The following FAM117B variants were observed in gnomAD, a reference collection of about 807,000 sequenced individuals.
FAM117B encodes the protein family with sequence similarity 117 member B.
In FAM117B, 22 loss-of-function variants were observed where a neutral mutation model predicts 52.8. The observed-to-expected ratio is 0.42, with a 90% CI of 0.30 to 0.59. The LOEUF is 0.59. FAM117B is among the 20% of genes least tolerant of loss of function. FAM117B has a pLI of 0.22. For missense variants in FAM117B, 678 were observed against 802.6 expected (o/e 0.84, Z 1.88); for synonymous variants, 309 against 324.1 (o/e 0.95, Z 0.50).
At chr2:202,650,298 C>T (rs1007218814) in intron 1 of FAM117B, among the ~76,000 whole-genome samples, 1 of 152,072 alleles carries the variant, frequency 6.6e-6, no homozygotes, top group Non-Finnish European at 1.5e-5. Flanking sequence ...TTGGAACCTA[C>T]TTGGGTGGTC....
chr2:202,697,549 C>CTTTTTTTTTTTTTTTTTCTTTT (rs555378964), intron 2 of FAM117B, among the ~76,000 whole-genome samples: 1 of 137,512 alleles, frequency 7.3e-6, no homozygotes, highest in African/African-American at 2.7e-5. Context: ...TTTTTTCTTT[C>CTTTTTTTTTTTTTTTTTCTTTT]TTTTTTTTTT....
At chr2:202,638,452 C>G (rs971278549) in intron 1 of FAM117B, among the ~76,000 whole-genome samples, 1 of 152,114 alleles carries the variant, frequency 6.6e-6, no homozygotes, top group African/African-American at 2.4e-5. Context: ...TAGGAGGGCT[C>G]TATTTCCTGG....
intron 7 of FAM117B, 115 bp from the exon 8 acceptor site, chr2:202,765,331 G>A: frequency 2.0e-6 from 2 of 1,013,672 alleles, no homozygotes; most frequent in Non-Finnish European, 2.9e-6. Context: ...TTCCTTTTCT[G>A]TGATGTAAGT....
intron 2 of FAM117B, among the ~76,000 whole-genome samples, chr2:202,720,818 A>G (rs181588026): frequency 6.6e-6 from 1 of 152,286 alleles, no homozygotes; most frequent in African/African-American, 2.4e-5. Flanking sequence ...GTAATTAGCA[A>G]GTAATTTGCG....
chr2:202,731,775 G>T (rs1347715739), intron 4 of FAM117B, among the ~76,000 whole-genome samples: 1 of 150,650 alleles, frequency 6.6e-6, no homozygotes, highest in Non-Finnish European at 1.5e-5. Context: ...CACTCTTTAT[G>T]CCCAGGCTAG....
intron 2 of FAM117B, among the ~76,000 whole-genome samples, chr2:202,715,492 G>C (rs1282201981): frequency 6.6e-6 from 1 of 151,562 alleles, no homozygotes; most frequent in Non-Finnish European, 1.5e-5. Context: ...CAGGGTGGCG[G>C]GGCAGAGGCG....
chr2:202,648,895 G>A (rs1275292801), intron 1 of FAM117B, among the ~76,000 whole-genome samples: 1 of 152,004 alleles, frequency 6.6e-6, no homozygotes, highest in East Asian at 1.9e-4. Context: ...CTGAGTAGCT[G>A]GGACTACAGG....
In FAM117B at chr2:202,635,672, C is replaced by G. The variant is rs1290743931; in HGVS notation, c.485C>G (p.Thr162Ser). ...SPSSSPTHLW[T>S]GEVSAAPPPA... ...AGCTCGTCGCCCACCCACCTGTGGACCGGCGAGGTGAGCGCGGCCCCACCC... is the reference window on the plus strand; with the variant it reads ...AGCTCGTCGCCCACCCACCTGTGGAGCGGCGAGGTGAGCGCGGCCCCACCC... The change falls in exon 1 of 8, where the codon ACC (threonine) becomes AGC (serine). Residue 162 changes from threonine to serine, a missense_variant. Transcript: ENST00000392238. 2.2e-6 allele frequency: 3 copies of G among 1,393,848 alleles called. No homozygotes were observed. The highest frequency in any genetic ancestry group is 2.8e-6 in the Non-Finnish European group (3 of 1,074,794). The allele number at this position is 1,393,848 out of a possible 1,614,324, so 86.3% of individuals were successfully genotyped here.
At chr2:202,648,880 G>T (rs888530595) in intron 1 of FAM117B, among the ~76,000 whole-genome samples, 1 of 151,912 alleles carries the variant, frequency 6.6e-6, no homozygotes, top group East Asian at 1.9e-4. Flanking sequence ...TCCTGCCTCA[G>T]CCTCCTGAGT....
At chr2:202,650,311 G>T (rs1047824910) in intron 1 of FAM117B, among the ~76,000 whole-genome samples, 16 of 152,004 alleles carry the variant, frequency 1.1e-4, no homozygotes, top group African/African-American at 3.6e-4. Context: ...GGGTGGTCGG[G>T]TTAATAATGT....
At chr2:202,725,053 CT>C in intron 3 of FAM117B, 44 bp downstream of exon 3, 2 of 1,444,588 alleles carry the variant, frequency 1.4e-6, no homozygotes, top group Non-Finnish European at 1.9e-6. Context: ...AAATATGATC[CT>C]TTTGTTGGCT....
At chr2:202,696,136 G>C in intron 2 of FAM117B, 104 bp downstream of exon 2, 4 of 1,218,848 alleles carry the variant, frequency 3.3e-6, no homozygotes, top group Non-Finnish European at 3.3e-6. Flanking sequence ...GTGTATATTA[G>C]AATTAACTTG....
intron 1 of FAM117B, among the ~76,000 whole-genome samples, chr2:202,686,330 A>G (rs1215494859): frequency 6.6e-6 from 1 of 152,260 alleles, no homozygotes; most frequent in African/African-American, 2.4e-5. Flanking sequence ...TACACTGGGT[A>G]CAACCAGTTT....
intron 1 of FAM117B, among the ~76,000 whole-genome samples, chr2:202,643,277 G>A (rs1220196158): frequency 1.3e-5 from 2 of 152,152 alleles, no homozygotes; most frequent in African/African-American, 2.4e-5. Context: ...GTAAATTCAA[G>A]AGAAGATGGT....
Position 202,768,058 on chromosome 2 carries a change from G to T in FAM117B, c.*2294G>T, listed in dbSNP as rs994049187. On this transcript the variant is annotated 3_prime_UTR_variant, in exon 8 of 8. Transcript: ENST00000392238. ...AAAAGGTAAAACTGAAATCAGAATG[G>T]GGGTAGAGGAAGTTAAAAACAAGTT... 1 of 147,840 alleles carries T rather than the reference G, an allele frequency of 6.8e-6. No individual in the cohort carries two copies. Among genetic ancestry groups the T allele is most frequent in the African/African-American group, 2.4e-5 (1 of 41,278 alleles). The allele number at this position is 147,840 out of a possible 1,614,324, so 9.2% of individuals were successfully genotyped here. A position where few individuals can be genotyped will look rare whatever the true frequency, so the allele number is the denominator to read the frequency against.
chr2:202,721,543 GAATGTTTTGTTCTTGGCACCGTGCTT>G (rs1559109641), intron 2 of FAM117B, among the ~76,000 whole-genome samples: 1 of 152,230 alleles, frequency 6.6e-6, no homozygotes, highest in East Asian at 1.9e-4. Context: ...TTTACTGAGT[GAATGTTTTGTTCTTGGCACCGTGCTT>G]AAAAATTAAA....
chr2:202,670,018 A>G (rs1219113737), intron 1 of FAM117B, among the ~76,000 whole-genome samples: 2 of 152,156 alleles, frequency 1.3e-5, no homozygotes, highest in East Asian at 3.9e-4. Flanking sequence ...TCATTCTCAC[A>G]TACTGTCTAA....
At chr2:202,742,030 T>G (rs941692119) in intron 4 of FAM117B, among the ~76,000 whole-genome samples, 1 of 152,210 alleles carries the variant, frequency 6.6e-6, no homozygotes, top group African/African-American at 2.4e-5. Context: ...TAAGAACACT[T>G]TTGAAAGATA....
chr2:202,649,684 T>TGG (rs1041266760), intron 1 of FAM117B, among the ~76,000 whole-genome samples: 4 of 151,970 alleles, frequency 2.6e-5, no homozygotes, highest in Admixed American at 2.6e-4. Flanking sequence ...CTCGAGTAGC[T>TGG]GGGATCACAG....
Sources: allele counts gnomAD v4.1 joint callset (sites outside exome capture counted in the v4.1 genomes callset), GRCh38; gene constraint gnomAD v4.1.1; transcripts MANE v1.5; gene names NCBI Gene and HGNC (gene_info 2026-07-23, HGNC 2026-07-21).